The following L3MBTL3 variants were observed in gnomAD, a reference collection of about 807,000 sequenced individuals.
L3MBTL3 encodes lethal(3)malignant brain tumor-like protein 3.
A neutral mutation model predicts 102.3 loss-of-function variants in L3MBTL3; 27 were observed. The observed-to-expected ratio is 0.26, with a 90% CI of 0.19 to 0.36. The LOEUF (loss-of-function observed/expected upper bound fraction) is 0.36, where lower values mean the gene tolerates loss of function less well. L3MBTL3 is among the 10% of genes least tolerant of loss of function. The pLI, the probability that L3MBTL3 is intolerant of heterozygous loss-of-function variation, is 1.00. For synonymous variants in L3MBTL3, 340 were observed against 320.9 expected (o/e 1.06, Z -0.64); for missense variants, 798 against 955.3 (o/e 0.84, Z 2.17).
chr6:130,106,218 A>T (rs932066338), intron 19 of L3MBTL3, among the ~76,000 whole-genome samples: 2 of 152,206 alleles, frequency 1.3e-5, no homozygotes, highest in African/African-American at 4.8e-5. Flanking sequence ...ACCTATTAAT[A>T]ATTAAATGAA....
intron 12 of L3MBTL3, among the ~76,000 whole-genome samples, chr6:130,070,447 T>A (rs768821666): frequency 6.6e-5 from 10 of 152,212 alleles, no homozygotes; most frequent in Admixed American, 3.9e-4. Flanking sequence ...GTAAAAGTTG[T>A]AATAATTTGC....
At chr6:130,137,160 C>G (rs1036833065) in intron 22 of L3MBTL3, among the ~76,000 whole-genome samples, 3 of 152,178 alleles carry the variant, frequency 2.0e-5, no homozygotes, top group Non-Finnish European at 1.5e-5. Flanking sequence ...AAGACTCACT[C>G]AGACAGAGCA....
At chr6:130,045,608 A>T (rs7452262) in intron 3 of L3MBTL3, among the ~76,000 whole-genome samples, 2,521 of 152,304 alleles carry the variant, frequency 0.017, 37 homozygotes, top group Non-Finnish European at 0.025. Flanking sequence ...AAAATGGATT[A>T]TCTTACACCT....
At chr6:130,074,105 G>A (rs937579001) in intron 13 of L3MBTL3, among the ~76,000 whole-genome samples, 1 of 152,134 alleles carries the variant, frequency 6.6e-6, no homozygotes, top group African/African-American at 2.4e-5. Context: ...GTTACAGATT[G>A]GGTTGCCTTT....
intron 10 of L3MBTL3, among the ~76,000 whole-genome samples, chr6:130,060,702 ATT>A (rs34504067): frequency 2.8e-5 from 4 of 143,392 alleles, no homozygotes; most frequent in Admixed American, 2.1e-4. Context: ...ACAGATACTT[ATT>A]TTTTTTTTTT....
intron 19 of L3MBTL3, among the ~76,000 whole-genome samples, chr6:130,109,466 A>G (rs967136535): frequency 2.0e-5 from 3 of 152,138 alleles, no homozygotes; most frequent in Non-Finnish European, 2.9e-5. Context: ...AGTGATGATG[A>G]GCTTGTTTTC....
intron 2 of L3MBTL3, among the ~76,000 whole-genome samples, chr6:130,042,451 A>G (rs577487273): frequency 1.6e-3 from 181 of 112,118 alleles, no homozygotes; most frequent in Admixed American, 3.5e-3. Flanking sequence ...AATGTTTACC[A>G]TAACACTTTT....
rs1045804999 is a variant in L3MBTL3 at position 130,057,807 on chromosome 6, T to C, written c.759+310T>C. Among the ~76,000 whole-genome samples the C allele has an allele frequency of 4.6e-5, 7 of 151,996 alleles. No individual in the cohort carries two copies. In the East Asian group the frequency reaches 1.4e-3, roughly 29 times the overall value. On this transcript the variant is annotated intron_variant, in intron 9 of 22. Transcript: ENST00000361794. The stretch of plus-strand genomic sequence containing the variant: ...GAAACACTAGCAGATGAAGAAAAAA[T>C]GTTAGGAAATTTCATGTCAACATTG...
At chr6:130,115,678 A>G (rs1476861805) in intron 19 of L3MBTL3, among the ~76,000 whole-genome samples, 4 of 152,240 alleles carry the variant, frequency 2.6e-5, no homozygotes, top group African/African-American at 9.6e-5. Flanking sequence ...AAAAGAAAAT[A>G]CTGAGTCATA....
intron 6 of L3MBTL3, 27 bp from the exon 7 acceptor site, chr6:130,052,832 A>G (rs762855791): frequency 1.2e-6 from 2 of 1,603,756 alleles, no homozygotes; most frequent in Non-Finnish European, 1.7e-6. Flanking sequence ...GTCTCTTGTC[A>G]CTATTTTGGG....
At chr6:130,134,404 A>G (rs1582656336) in intron 22 of L3MBTL3, among the ~76,000 whole-genome samples, 2 of 152,194 alleles carry the variant, frequency 1.3e-5, no homozygotes, top group African/African-American at 4.8e-5. Context: ...TTATAATAAG[A>G]TATTTATCAC....
intron 2 of L3MBTL3, among the ~76,000 whole-genome samples, chr6:130,035,767 T>C (rs1488905873): frequency 6.6e-6 from 1 of 152,038 alleles, no homozygotes; most frequent in Non-Finnish European, 1.5e-5. Context: ...CTTATGACAT[T>C]AGTAGTGGCT....
At chr6:130,113,210 A>G (rs1231664494) in intron 19 of L3MBTL3, among the ~76,000 whole-genome samples, 1 of 152,186 alleles carries the variant, frequency 6.6e-6, no homozygotes, top group Admixed American at 6.5e-5. Context: ...TCCCGGAGGT[A>G]CTCATTCAGG....
chr6:130,055,822 C>T (rs1276381765), intron 8 of L3MBTL3, among the ~76,000 whole-genome samples: 1 of 151,584 alleles, frequency 6.6e-6, no homozygotes, highest in African/African-American at 2.4e-5. Context: ...CCTCTCAAAA[C>T]ATGAGCTCCT....
rs770818724 is a variant in L3MBTL3, at chr6:130,052,919, T to A, written c.510T>A (p.Ser170Arg). 6.2e-7 allele frequency: 1 copy of A among 1,613,916 alleles called. No homozygotes were observed. Among genetic ancestry groups the A allele is most frequent in the South Asian group, 1.1e-5 (1 of 91,038 alleles). ...ATGAGGAAGAAGATCCTAAGTGTAGTCGGAAGAAAAAACCAAAATTATCTC... is the reference window on the plus strand; with the variant it reads ...ATGAGGAAGAAGATCCTAAGTGTAGACGGAAGAAAAAACCAAAATTATCTC... ...EDNEEEDPKC[S>R]RKKKPKLSLK... The change falls in exon 7 of 23, where the codon AGT (serine) becomes AGA (arginine). Residue 170 changes from serine (S) to arginine (R), a missense_variant. By Grantham distance (110) the Ser-to-Arg change is moderately radical. Around this residue, in one of 4 missense-constraint regions of L3MBTL3, gnomAD observed 434 missense variants for 506.6 expected, o/e 0.86. Coordinates refer to ENST00000361794, the MANE Select transcript of L3MBTL3 (RefSeq NM_032438.4).
intron 10 of L3MBTL3, among the ~76,000 whole-genome samples, chr6:130,063,412 A>G: frequency 6.6e-6 from 1 of 152,172 alleles, no homozygotes; most frequent in Non-Finnish European, 1.5e-5. Context: ...ATTGCTAGGC[A>G]GTGGCAAAGC....
chr6:130,107,784 A>G lies in L3MBTL3; in HGVS notation c.1886+3209A>G, dbSNP rs1295942011. ...TGAGAGACACTAAAACTTTGGAGGT[A>G]GAAAGTTGATGCAACTAAACTCTCT... On this transcript the variant is annotated intron_variant, in intron 19 of 22. Transcript: ENST00000361794. Among the ~76,000 whole-genome samples the G allele has an allele frequency of 3.3e-5, 5 of 152,254 alleles. No individual in the cohort carries two copies. In the East Asian group the frequency reaches 9.6e-4, roughly 29 times the overall value.
intron 15 of L3MBTL3, among the ~76,000 whole-genome samples, chr6:130,084,344 G>T (rs901404783): frequency 6.6e-6 from 1 of 151,970 alleles, no homozygotes; most frequent in Non-Finnish European, 1.5e-5. Flanking sequence ...TAACAGAAAA[G>T]AAAAATATAT....
chr6:130,135,793 A>C (rs6933511), intron 22 of L3MBTL3, among the ~76,000 whole-genome samples: 109,364 of 152,076 alleles, frequency 0.72, 39,812 homozygotes, highest in East Asian at 0.84. Context: ...TCCGACCATG[A>C]GTATGTTACT....
Sources: gnomAD v4.1 joint callset for allele counts (sites outside exome capture counted in the v4.1 genomes callset) on GRCh38, gnomAD v4.1.1 for gene constraint, gnomAD v4.1.1 regional missense constraint, MANE v1.5 for transcripts, NCBI Gene and HGNC (gene_info 2026-07-23, HGNC 2026-07-21) for gene names.